Variants in MAD1L1 observed in about 807,000 individuals in gnomAD.
MAD1L1 encodes mitotic arrest deficient 1 like 1, also known as mitotic spindle assembly checkpoint protein MAD1.
A neutral mutation model predicts 96.9 loss-of-function variants in MAD1L1; 95 were observed. The observed-to-expected ratio is 0.98, with a 90% CI of 0.83 to 1.16. MAD1L1 has a LOEUF of 1.16. Among genes scored for constraint, MAD1L1 ranks in the 50% most tolerant of loss-of-function variants. MAD1L1 has a pLI of 0.00. For synonymous variants in MAD1L1, 473 were observed against 396.6 expected (o/e 1.19, Z -2.29); for missense variants, 1,007 against 954.4 (o/e 1.06, Z -0.73).
intron 3 of MAD1L1, 27 bp from the exon 4 acceptor site, chr7:2,225,577 C>T (rs1793850230): frequency 6.2e-7 from 1 of 1,609,432 alleles, no homozygotes; most frequent in African/African-American, 1.3e-5. Context: ...CAAAGAAAAA[C>T]AGAATCCTCA....
At chr7:2,227,046 C>T (rs978668053) in intron 3 of MAD1L1, among the ~76,000 whole-genome samples, 3 of 149,286 alleles carry the variant, frequency 2.0e-5, no homozygotes, top group Non-Finnish European at 3.0e-5. Context: ...GTAATCCCAG[C>T]AGTTCGGGGG....
At chr7:2,058,868 G>A (rs1584217101) in intron 12 of MAD1L1, among the ~76,000 whole-genome samples, 1 of 80,508 alleles carries the variant, frequency 1.2e-5, no homozygotes, top group Non-Finnish European at 2.5e-5. Context: ...CAGAGGAGAG[G>A]AGAGGCGCGG....
rs193049632 is a variant in MAD1L1, at chr7:1,936,671, G to T, written c.1807+16C>A. The T allele has an allele frequency of 5.4e-5, 83 of 1,545,594 alleles. No homozygotes were observed. The African/African-American group carries it at 9.8e-4, about 18-fold the overall frequency. ...AAGGTCGAGGATGGCAGGGACCGGGGGTGGGGGGTGCCTACCTGCCACCTC... is the reference window on the plus strand; with the variant it reads ...AAGGTCGAGGATGGCAGGGACCGGGTGTGGGGGGTGCCTACCTGCCACCTC... On this transcript the variant is annotated intron_variant, in intron 17 of 18. Coordinates refer to ENST00000265854, the MANE Select transcript of MAD1L1 (RefSeq NM_001013836.2).
intron 7 of MAD1L1, 117 bp from the exon 8 acceptor site, chr7:2,216,404 A>T (rs1320715209): frequency 4.0e-6 from 4 of 1,004,942 alleles, no homozygotes; most frequent in Non-Finnish European, 5.7e-6. Flanking sequence ...TACACACTGC[A>T]GGATCCAACC....
chr7:1,924,152 G>A (rs1388960089), intron 17 of MAD1L1, among the ~76,000 whole-genome samples: 4 of 152,198 alleles, frequency 2.6e-5, no homozygotes, highest in Non-Finnish European at 2.9e-5. Flanking sequence ...TTTTAAAGAC[G>A]CTCCAAGAAG....
At chr7:1,823,542 G>A (rs919057559) in intron 18 of MAD1L1, among the ~76,000 whole-genome samples, 10 of 152,192 alleles carry the variant, frequency 6.6e-5, no homozygotes, top group Admixed American at 3.3e-4. Context: ...ACCTGGAGGG[G>A]TGACTGCAGC....
At position 2,141,708 on chromosome 7, in the gene MAD1L1, G is replaced by A. The variant is rs79917275; in HGVS notation, c.1073+7444C>T. 8.9e-4 allele frequency among the ~76,000 whole-genome samples: 136 copies of A among 152,332 alleles called. 1 individual carries two copies. In the East Asian group the frequency reaches 0.021, roughly 23 times the overall value. On this transcript the variant is annotated intron_variant, in intron 11 of 18. Transcript: ENST00000265854. ...CCCCGCTGAGGAGGCCCCACGAGGA[G>A]GTTCTAAGCTGAGCACAGAGGAGCG...
chr7:2,076,527 G>A (rs937079900), intron 11 of MAD1L1, among the ~76,000 whole-genome samples: 22 of 152,176 alleles, frequency 1.4e-4, no homozygotes, highest in African/African-American at 4.6e-4. Context: ...AAGTGAGCCC[G>A]AACACAGACG....
rs577327298 is a variant in MAD1L1, at chr7:1,840,369, G to A, written c.1999-24141C>T. Reference sequence around the variant, plus strand: ...GTGCGCCCCGGGGTATCTGGGAGACGCCTCTGCACAGTCTTTGAATCGGGC... The same window carrying A: ...GTGCGCCCCGGGGTATCTGGGAGACACCTCTGCACAGTCTTTGAATCGGGC... On this transcript the variant is annotated intron_variant, in intron 18 of 18. Transcript: ENST00000265854. Among the ~76,000 whole-genome samples, 9 of 152,290 alleles carry A rather than the reference G, an allele frequency of 5.9e-5. No homozygotes were observed. The South Asian group carries it at 1.5e-3, about 25-fold the overall frequency.
Position 2,046,228 on chromosome 7 carries a change from C to T in MAD1L1, c.1218+22966G>A, listed in dbSNP as rs1018216827. On this transcript the variant is annotated intron_variant, in intron 12 of 18. Coordinates refer to ENST00000265854, the MANE Select transcript of MAD1L1 (RefSeq NM_001013836.2). ...AGTCCCATCCCTTTCCAGGCCTGCA[C>T]TCACAGGCACCCTATGTCCCTGTCC... Among the ~76,000 whole-genome samples the T allele has an allele frequency of 5.3e-5, 8 of 152,332 alleles. No individual in the cohort carries two copies. The East Asian group carries it at 1.5e-3, about 29-fold the overall frequency.
intron 18 of MAD1L1, among the ~76,000 whole-genome samples, chr7:1,851,265 C>G (rs150037158): frequency 4.9e-4 from 74 of 152,136 alleles, no homozygotes; most frequent in African/African-American, 1.7e-3. Flanking sequence ...AGACCAGAGC[C>G]GGCAGCAAGA....
chr7:2,062,582 A>T (rs1054360088), intron 12 of MAD1L1, among the ~76,000 whole-genome samples: 3 of 152,038 alleles, frequency 2.0e-5, no homozygotes, highest in African/African-American at 7.2e-5. Flanking sequence ...CTCAAACAAA[A>T]AAAAAACAGG....
chr7:1,981,336 A>C (rs1395907545), intron 14 of MAD1L1, among the ~76,000 whole-genome samples: 1 of 152,098 alleles, frequency 6.6e-6, no homozygotes, highest in Non-Finnish European at 1.5e-5. Context: ...GACGGTGGGG[A>C]GGCCAGGAGC....
At chr7:1,859,872 G>A (rs1355993304) in intron 18 of MAD1L1, among the ~76,000 whole-genome samples, 1 of 150,432 alleles carries the variant, frequency 6.6e-6, no homozygotes, top group East Asian at 2.0e-4. Context: ...TGTCTCCCTA[G>A]ATGTGACATC....
At chr7:1,831,309 G>C (rs559412049) in intron 18 of MAD1L1, among the ~76,000 whole-genome samples, 1 of 151,950 alleles carries the variant, frequency 6.6e-6, no homozygotes, top group South Asian at 2.1e-4. Flanking sequence ...TAATGGTTTC[G>C]GAGCTCCACA....
intron 18 of MAD1L1, among the ~76,000 whole-genome samples, chr7:1,873,486 T>C (rs1005434550): frequency 6.7e-6 from 1 of 150,136 alleles, no homozygotes; most frequent in Non-Finnish European, 1.5e-5. Flanking sequence ...GGAGAGCTAG[T>C]AGGAGCACGG....
chr7:1,904,958 C>T (rs1787532041), intron 17 of MAD1L1, among the ~76,000 whole-genome samples: 1 of 89,138 alleles, frequency 1.1e-5, no homozygotes, highest in South Asian at 5.0e-4. Context: ...AAGCACTATT[C>T]CAGGCAGCAA....
At chr7:2,077,946 G>A (rs903317432) in intron 11 of MAD1L1, among the ~76,000 whole-genome samples, 8 of 152,196 alleles carry the variant, frequency 5.3e-5, no homozygotes, top group African/African-American at 1.7e-4. Context: ...AATGGAGCAC[G>A]AACTGGTTTC....
chr7:1,929,824 T>C (rs1228270570), intron 17 of MAD1L1, among the ~76,000 whole-genome samples: 80 of 5,106 alleles, frequency 0.016, 8 homozygotes, highest in African/African-American at 0.073. Flanking sequence ...CCACGTCCCC[T>C]GCCCCGTCCC....
Sources: allele counts gnomAD v4.1 joint callset (sites outside exome capture counted in the v4.1 genomes callset), GRCh38; gene constraint gnomAD v4.1.1; transcripts MANE v1.5; gene names NCBI Gene and HGNC (gene_info 2026-07-23, HGNC 2026-07-21).